Variants in PLBD1 observed in about 807,000 individuals in gnomAD.
PLBD1 encodes the protein phospholipase B domain containing 1.
A neutral mutation model predicts 63.0 loss-of-function variants in PLBD1; 60 were observed. That is an observed-to-expected ratio of 0.95 (90% CI 0.77 to 1.18). PLBD1 has a LOEUF of 1.18. Ranked by LOEUF, PLBD1 falls within the 50% of genes most tolerant of loss-of-function variation. PLBD1 has a pLI of 0.00. For synonymous variants in PLBD1, 262 were observed against 248.0 expected (o/e 1.06, Z -0.53); for missense variants, 598 against 677.9 (o/e 0.88, Z 1.31).
chr12:14,561,517 G>A (rs1297830037), intron 1 of PLBD1, among the ~76,000 whole-genome samples: 1 of 152,068 alleles, frequency 6.6e-6, no homozygotes. Context: ...CTTGGGCCTA[G>A]CACAATGCTT....
chr12:14,541,135 A>G lies in PLBD1; in HGVS notation c.420-233T>C, dbSNP rs549189434. ...CAGCTTCTTCTGTGCTGTATCTAGA[A>G]CAAAAGCATAAGTGTGATAGTGACC... is the stretch of plus-strand genomic sequence containing the variant. On this transcript the variant is annotated intron_variant, in intron 3 of 10. Transcript: ENST00000240617. Among the ~76,000 whole-genome samples, 4 of 152,316 alleles carry G rather than the reference A, an allele frequency of 2.6e-5. No homozygotes were observed. The East Asian group carries it at 5.8e-4, about 22-fold the overall frequency.
At chr12:14,511,741 A>G (rs777489385) in intron 6 of PLBD1, 30 bp from the exon 7 acceptor site, 7 of 1,575,160 alleles carry the variant, frequency 4.4e-6, no homozygotes, top group South Asian at 1.1e-5. Context: ...ACACATCAGC[A>G]TATGTATACA....
chr12:14,563,142 G>A (rs2136936352), intron 1 of PLBD1, among the ~76,000 whole-genome samples: 1 of 152,272 alleles, frequency 6.6e-6, no homozygotes, highest in African/African-American at 2.4e-5. Context: ...ATGAAGATAA[G>A]TGGGCACTTC....
In PLBD1 at chr12:14,540,834, C is replaced by G; in HGVS notation, c.488G>C (p.Gly163Ala). The change falls in exon 4 of 11, where the codon GGC becomes GCC. Residue 163 changes from glycine (G) to alanine (A), a missense_variant. By Grantham distance (60) the Gly-to-Ala change is moderately conservative. Coordinates refer to ENST00000240617, the MANE Select transcript of PLBD1 (RefSeq NM_024829.6). ...YKTDSFWRHT[G>A]YVMAQIDGLY... ...GCCATCTATTTGTGCCATCACATAG[C>G]CTGTATGTCTCCAAAATGAATCAGT... The G allele has an allele frequency of 6.2e-7, 1 of 1,611,142 alleles. No homozygotes were observed. Among genetic ancestry groups the G allele is most frequent in the Non-Finnish European group, 8.5e-7 (1 of 1,177,924 alleles).
chr12:14,520,842 T>A (rs1302872354), intron 6 of PLBD1, among the ~76,000 whole-genome samples: 2 of 152,200 alleles, frequency 1.3e-5, no homozygotes, highest in Non-Finnish European at 2.9e-5. Context: ...GCTTGAGAAT[T>A]CTGCAGTTTT....
chr12:14,552,184 C>A (rs1044503904), intron 2 of PLBD1, among the ~76,000 whole-genome samples: 1 of 152,064 alleles, frequency 6.6e-6, no homozygotes, highest in African/African-American at 2.4e-5. Flanking sequence ...CAATCTAGGT[C>A]ACAGAGAATA....
rs780153507 is a variant in PLBD1, at chr12:14,507,024, A to G, written c.1281T>C (p.Ser427=). Residue 427 remains serine (S), a synonymous_variant, in exon 9 of 11, where the codon TCT becomes TCC. Transcript: ENST00000240617. ...TTTTGGCTCGTGGAGCTAAATCATA[A>G]GAGTAGTCCAAGCCCAGCTTCTGAA... is the stretch of plus-strand genomic sequence containing the variant. The part of the protein sequence containing the change: ...LLVQKLGLDY[S]YDLAPRAKIF... 6.2e-7 allele frequency: 1 copy of G among 1,614,114 alleles called. No individual in the cohort carries two copies. Among genetic ancestry groups the G allele is most frequent in the Non-Finnish European group, 8.5e-7 (1 of 1,179,982 alleles).
chr12:14,558,551 A>C (rs1268798912), intron 1 of PLBD1, among the ~76,000 whole-genome samples: 1 of 152,286 alleles, frequency 6.6e-6, no homozygotes, highest in African/African-American at 2.4e-5. Flanking sequence ...CTGGAATAAA[A>C]AGCAGAGTCA....
chr12:14,563,009 T>A (rs534338751), intron 1 of PLBD1, among the ~76,000 whole-genome samples: 42 of 152,280 alleles, frequency 2.8e-4, no homozygotes, highest in African/African-American at 9.6e-4. Flanking sequence ...GAATTTTTTT[T>A]AAAAAAATTG....
At chr12:14,504,474 A>G (rs1945234486) in intron 10 of PLBD1, among the ~76,000 whole-genome samples, 2 of 152,240 alleles carry the variant, frequency 1.3e-5, no homozygotes, top group Non-Finnish European at 2.9e-5. Context: ...TGTAGCCAAA[A>G]GTGAGATATG....
chr12:14,555,492 G>A (rs1945695774), intron 1 of PLBD1, among the ~76,000 whole-genome samples: 1 of 152,154 alleles, frequency 6.6e-6, no homozygotes. Flanking sequence ...AACCTAGATT[G>A]TGCCATTGCA....
At chr12:14,521,462 C>T (rs1398093077) in intron 6 of PLBD1, among the ~76,000 whole-genome samples, 1 of 152,044 alleles carries the variant, frequency 6.6e-6, no homozygotes, top group East Asian at 1.9e-4. Context: ...GCAGAAAAGC[C>T]ATGCATATGA....
chr12:14,518,939 C>CA (rs771914020), intron 6 of PLBD1, among the ~76,000 whole-genome samples: 2,141 of 142,938 alleles, frequency 0.015, 40 homozygotes, highest in African/African-American at 0.048. Context: ...ATTACCCAGC[C>CA]AAAAAAAAAA....
chr12:14,555,874 G>A (rs1592009935), intron 1 of PLBD1, among the ~76,000 whole-genome samples: 1 of 152,160 alleles, frequency 6.6e-6, no homozygotes, highest in Non-Finnish European at 1.5e-5. Context: ...TTGTCACACT[G>A]TACTGTAACT....
intron 6 of PLBD1, among the ~76,000 whole-genome samples, chr12:14,533,960 G>A (rs935390452): frequency 3.9e-5 from 6 of 152,068 alleles, no homozygotes; most frequent in Non-Finnish European, 8.8e-5. Flanking sequence ...CCTGGGGAAT[G>A]TAGCAAGATC....
At chr12:14,550,835 G>A (rs1388271159) in intron 2 of PLBD1, among the ~76,000 whole-genome samples, 2 of 151,130 alleles carry the variant, frequency 1.3e-5, no homozygotes, top group African/African-American at 2.4e-5. Context: ...CCGAGATCAC[G>A]CCATCGCACT....
chr12:14,528,764 C>A (rs556540941), intron 6 of PLBD1, among the ~76,000 whole-genome samples: 1 of 151,726 alleles, frequency 6.6e-6, no homozygotes, highest in East Asian at 1.9e-4. Context: ...GAAAAATGGA[C>A]AATATCATGA....
At chr12:14,542,412 C>CT (rs549205630) in intron 2 of PLBD1, 121 bp from the exon 3 acceptor site, 13 of 654,998 alleles carry the variant, frequency 2.0e-5, no homozygotes, top group Middle Eastern at 4.2e-4. Context: ...TGCCTACTAT[C>CT]TTTTTTTTCC....
chr12:14,531,551 G>A (rs1466312638), intron 6 of PLBD1, among the ~76,000 whole-genome samples: 1 of 152,122 alleles, frequency 6.6e-6, no homozygotes, highest in African/African-American at 2.4e-5. Context: ...AGCTACACTG[G>A]GAATTTTACA....
Sources: gnomAD v4.1 joint callset for allele counts (sites outside exome capture counted in the v4.1 genomes callset) on GRCh38, gnomAD v4.1.1 for gene constraint, MANE v1.5 for transcripts, NCBI Gene and HGNC (gene_info 2026-07-23, HGNC 2026-07-21) for gene names.